Variants in DYSF observed in about 807,000 individuals in gnomAD.
DYSF encodes the protein dystrophy-associated fer-1-like 1.
DYSF carries 212 observed loss-of-function variants against 274.9 expected under a neutral mutation model. The ratio of observed to expected loss-of-function variants is 0.77; its 90% CI spans 0.69 to 0.86. DYSF has a LOEUF of 0.86. DYSF is among the 40% of genes least tolerant of loss of function. The pLI, the probability that DYSF is intolerant of heterozygous loss-of-function variation, is 0.00. For missense variants in DYSF, 2,666 were observed against 2,783.2 expected (o/e 0.96, Z 0.95); for synonymous variants, 1,091 against 1,078.7 (o/e 1.01, Z -0.22).
At chr2:71,559,229 C>T (rs1283575168) in intron 22 of DYSF, among the ~76,000 whole-genome samples, 1 of 152,202 alleles carries the variant, frequency 6.6e-6, no homozygotes, top group Non-Finnish European at 1.5e-5. Context: ...CTCCGTGCTG[C>T]GTCTGGGGCT....
chr2:71,577,346 C>T (rs867228153), intron 30 of DYSF, among the ~76,000 whole-genome samples: 10 of 151,688 alleles, frequency 6.6e-5, no homozygotes, highest in African/African-American at 2.4e-4. Flanking sequence ...CATTCATACA[C>T]ACCAATAAGC....
chr2:71,555,041 G>A (rs139691768), intron 21 of DYSF, among the ~76,000 whole-genome samples: 5 of 152,146 alleles, frequency 3.3e-5, no homozygotes, highest in Admixed American at 6.5e-5. Context: ...AGGCCTGGGC[G>A]TGTCTGTGGG....
chr2:71,511,890 C>T lies in DYSF; in HGVS notation c.429C>T (p.Ser143=), dbSNP rs115390288. The T allele has an allele frequency of 3.1e-4, 488 of 1,551,358 alleles. 2 individuals are homozygous for T. In the African/African-American group the frequency reaches 5.9e-3, roughly 19 times the overall value. ...LFPPPTPLEP[S]PTLPDLDVVA... ...CGCCCCCTACTCCTCTGGAGCCCTC[C>T]CCGACTCTGCCTGACCTGGATGTAG... The change falls in exon 5 of 56, where the codon TCC becomes TCT. Residue 143 remains serine (S), a synonymous_variant. Transcript: ENST00000410020.
intron 22 of DYSF, among the ~76,000 whole-genome samples, chr2:71,557,560 G>A (rs933157129): frequency 2.6e-5 from 4 of 152,036 alleles, no homozygotes; most frequent in African/African-American, 9.7e-5. Flanking sequence ...GCAGGTGCTG[G>A]GACCAGGGGA....
chr2:71,589,486 G>GCAGC, intron 30 of DYSF, 107 bp from the exon 31 acceptor site: 1 of 882,870 alleles, frequency 1.1e-6, no homozygotes, highest in Non-Finnish European at 1.9e-6. Context: ...TCAGCTTTCG[G>GCAGC]CAGCGGAGAG....
chr2:71,613,773 G>C (rs2093822421), intron 40 of DYSF, among the ~76,000 whole-genome samples: 1 of 152,130 alleles, frequency 6.6e-6, no homozygotes, highest in South Asian at 2.1e-4. Context: ...CATCTCTGGG[G>C]TCCTCCAGCC....
intron 30 of DYSF, among the ~76,000 whole-genome samples, chr2:71,582,796 A>G (rs1043954015): frequency 7.9e-5 from 12 of 152,200 alleles, no homozygotes; most frequent in African/African-American, 2.9e-4. Context: ...AGAGACGGGC[A>G]GTAGCACACT....
intron 1 of DYSF, among the ~76,000 whole-genome samples, chr2:71,474,834 C>A (rs975068837): frequency 3.3e-5 from 5 of 152,174 alleles, no homozygotes; most frequent in Non-Finnish European, 7.3e-5. Context: ...GTTAAGGAAG[C>A]CTGGAGCACC....
In DYSF at chr2:71,568,076, T is replaced by C; in HGVS notation, c.2691T>C (p.Ala897=). 1 of 1,614,200 alleles carries C rather than the reference T, an allele frequency of 6.2e-7. No homozygotes were observed. The highest frequency in any genetic ancestry group is 8.5e-7 in the Non-Finnish European group (1 of 1,180,036). ...QFAEGKLSVF[A]ETYENETKLA... is the part of the protein sequence containing the mutation. ...CTGAGGGGAAGCTGTCTGTCTTTGC[T>C]GAAACCGTGAGTACCTGCCAGCCCC... Residue 897 remains alanine, a synonymous_variant, in exon 25 of 56, where the codon GCT becomes GCC. Transcript: ENST00000410020.
At chr2:71,579,480 C>T (rs900921024) in intron 30 of DYSF, among the ~76,000 whole-genome samples, 13 of 152,124 alleles carry the variant, frequency 8.5e-5, no homozygotes, top group East Asian at 1.9e-4. Flanking sequence ...TGCATGTGTA[C>T]GCACGCATGT....
chr2:71,500,685 A>G (rs1290541828), intron 3 of DYSF, among the ~76,000 whole-genome samples: 1 of 151,996 alleles, frequency 6.6e-6, no homozygotes, highest in African/African-American at 2.4e-5. Context: ...GCACCCTATG[A>G]CCTGGCTGCT....
At chr2:71,520,323 G>T (rs2152741655) in intron 11 of DYSF, 115 bp downstream of exon 11, 1 of 1,187,600 alleles carries the variant, frequency 8.4e-7, no homozygotes. Context: ...TAGAGGAAGG[G>T]TTTGATCTTG....
chr2:71,521,769 G>C (rs1406889106), intron 12 of DYSF, among the ~76,000 whole-genome samples: 1 of 152,106 alleles, frequency 6.6e-6, no homozygotes, highest in Non-Finnish European at 1.5e-5. Flanking sequence ...CCACTTAGCT[G>C]GGCCCCGGGT....
rs2081576582 is a variant in DYSF at position 71,466,963 on chromosome 2, C to CTCGGGTGCTACCCG, written c.91+31_91+44dup. On this transcript the variant is annotated intron_variant, in intron 1 of 55. Coordinates refer to ENST00000410020, the MANE Select transcript of DYSF (RefSeq NM_001130987.2). Reference sequence around the variant, plus strand: ...GAGCCCCGTGGCTGCCGCGCCCATGCTCGGGTGCTACCCGACTCTCGGCGC... The same window carrying CTCGGGTGCTACCCG: ...GAGCCCCGTGGCTGCCGCGCCCATGCTCGGGTGCTACCCGTCGGGTGCTACCCGACTCTCGGCGC... 1.9e-6 allele frequency: 3 copies of CTCGGGTGCTACCCG among 1,546,586 alleles called. No homozygotes were observed. In the East Asian group the frequency reaches 7.4e-5, roughly 38 times the overall value.
At chr2:71,503,674 A>T (rs1393959708) in intron 4 of DYSF, among the ~76,000 whole-genome samples, 1 of 151,558 alleles carries the variant, frequency 6.6e-6, no homozygotes, top group Admixed American at 6.6e-5. Context: ...CTCCTCCCTC[A>T]CCATCCAGCC....
intron 36 of DYSF, among the ~76,000 whole-genome samples, chr2:71,609,525 C>T (rs765477331): frequency 2.6e-5 from 4 of 152,168 alleles, no homozygotes; most frequent in Non-Finnish European, 4.4e-5. Context: ...ATTTACTAAG[C>T]GCCTCCTGTG....
At chr2:71,616,690 C>G (rs1398673488) in intron 40 of DYSF, among the ~76,000 whole-genome samples, 3 of 151,988 alleles carry the variant, frequency 2.0e-5, no homozygotes, top group Non-Finnish European at 2.9e-5. Context: ...TTCATTTTTT[C>G]AGATAATAAA....
chr2:71,657,910 G>A (rs1014447632), intron 43 of DYSF, among the ~76,000 whole-genome samples: 1 of 152,174 alleles, frequency 6.6e-6, no homozygotes, highest in African/African-American at 2.4e-5. Flanking sequence ...TTTCCCCATG[G>A]TCTTGGGGAT....
chr2:71,515,670 C>A lies in DYSF; in HGVS notation c.807C>A (p.Ile269=). The A allele has an allele frequency of 6.2e-7, 1 of 1,614,040 alleles. No homozygotes were observed. The highest frequency in any genetic ancestry group is 8.5e-7 in the Non-Finnish European group (1 of 1,179,992). ...GGCGCCAGCTGCCGGGGGTGAACAT[C>A]AAGCCTGTGGTCAAGGTTACCGCTG... ...IEGRQLPGVN[I]KPVVKVTAAG... is the part of the protein sequence containing the mutation. Residue 269 remains isoleucine, a synonymous_variant, in exon 8 of 56, where the codon ATC becomes ATA. Transcript: ENST00000410020.
Sources: allele counts gnomAD v4.1 joint callset (sites outside exome capture counted in the v4.1 genomes callset), GRCh38; gene constraint gnomAD v4.1.1; transcripts MANE v1.5; gene names NCBI Gene and HGNC (gene_info 2026-07-23, HGNC 2026-07-21).